The following ANXA10 variants were observed in gnomAD, a reference collection of about 807,000 sequenced individuals.
ANXA10 encodes the protein annexin A10.
Under a neutral mutation model 53.5 loss-of-function variants are expected in ANXA10, and 49 were observed. The observed-to-expected ratio is 0.92, with a 90% CI of 0.73 to 1.16. The LOEUF (loss-of-function observed/expected upper bound fraction) is 1.16, where lower values mean the gene tolerates loss of function less well. Ranked by LOEUF, ANXA10 falls within the 50% of genes most tolerant of loss-of-function variation. ANXA10 has a pLI of 0.00. For synonymous variants in ANXA10, 131 were observed against 128.9 expected (o/e 1.02, Z -0.11); for missense variants, 393 against 394.4 (o/e 1.00, Z 0.03).
intron 3 of ANXA10, among the ~76,000 whole-genome samples, chr4:168,156,171 T>TATTA (rs1553957740): frequency 3.2e-5 from 1 of 31,238 alleles, no homozygotes; most frequent in Non-Finnish European, 5.1e-5. Flanking sequence ...ATTATATATA[T>TATTA]TATATTATAT....
intron 1 of ANXA10, among the ~76,000 whole-genome samples, chr4:168,116,001 A>G (rs1422347737): frequency 1.3e-5 from 2 of 152,158 alleles, no homozygotes; most frequent in Non-Finnish European, 2.9e-5. Context: ...CATTACGTCT[A>G]AGGCACTGCC....
At chr4:168,170,999 G>T (rs866725588) in intron 6 of ANXA10, among the ~76,000 whole-genome samples, 12 of 152,114 alleles carry the variant, frequency 7.9e-5, no homozygotes, top group Middle Eastern at 3.4e-3. Context: ...ATTTTCTATT[G>T]GCTTCTCACT....
intron 1 of ANXA10, among the ~76,000 whole-genome samples, chr4:168,111,051 G>A (rs1290625284): frequency 6.6e-6 from 1 of 152,168 alleles, no homozygotes; most frequent in Non-Finnish European, 1.5e-5. Flanking sequence ...TGAAATAGAT[G>A]ACTGTGCTTT....
At chr4:168,166,841 G>A (rs1462880524) in intron 6 of ANXA10, among the ~76,000 whole-genome samples, 1 of 152,066 alleles carries the variant, frequency 6.6e-6, no homozygotes, top group African/African-American at 2.4e-5. Flanking sequence ...AGATTTCAAT[G>A]CCTTTTAAAA....
At chr4:168,145,590 C>T (rs542388672) in intron 3 of ANXA10, among the ~76,000 whole-genome samples, 1 of 152,312 alleles carries the variant, frequency 6.6e-6, no homozygotes, top group African/African-American at 2.4e-5. Context: ...GTTTTGCTAA[C>T]ACCCTACCCA....
At chr4:168,104,133 T>A (rs1166812362) in intron 1 of ANXA10, among the ~76,000 whole-genome samples, 2 of 151,976 alleles carry the variant, frequency 1.3e-5, no homozygotes, top group African/African-American at 4.8e-5. Flanking sequence ...CAAGTGTTTT[T>A]TCTGCATCAT....
chr4:168,140,468 A>G (rs2149472264), intron 3 of ANXA10, among the ~76,000 whole-genome samples: 1 of 152,306 alleles, frequency 6.6e-6, no homozygotes, highest in East Asian at 1.9e-4. Context: ...AAGACCAGTG[A>G]TATCTTCTTT....
intron 3 of ANXA10, among the ~76,000 whole-genome samples, chr4:168,154,022 G>T (rs768613668): frequency 2.7e-4 from 40 of 150,480 alleles, no homozygotes; most frequent in Non-Finnish European, 5.0e-4. Flanking sequence ...GCGCGCGCGC[G>T]TGCCTCTGAG....
In ANXA10 at chr4:168,162,526, A is replaced by G. The variant is rs1020056764; in HGVS notation, c.196-2A>G. On this transcript the variant is annotated splice_acceptor_variant, in intron 3 of 11. Transcript: ENST00000359299. LOFTEE classifies it high-confidence loss of function. ...TAAATATATGTACTTTTTCCTCCACAGGACCTGATTGGGGATATGAGGGAG... is the reference window on the plus strand; with the variant it reads ...TAAATATATGTACTTTTTCCTCCACGGGACCTGATTGGGGATATGAGGGAG... The G allele has an allele frequency of 3.1e-6, 5 of 1,611,358 alleles. No individual in the cohort carries two copies. In the African/African-American group the frequency reaches 6.7e-5, roughly 22 times the overall value.
chr4:168,148,947 A>C (rs1450850906), intron 3 of ANXA10, among the ~76,000 whole-genome samples: 1 of 152,082 alleles, frequency 6.6e-6, no homozygotes, highest in Admixed American at 6.6e-5. Context: ...CATCTTTGCA[A>C]ATATAACTTC....
chr4:168,118,107 T>G (rs1019969959), intron 1 of ANXA10, among the ~76,000 whole-genome samples: 35 of 151,902 alleles, frequency 2.3e-4, no homozygotes, highest in African/African-American at 8.0e-4. Context: ...TTTTTTTTCC[T>G]CATCAATTTA....
intron 1 of ANXA10, among the ~76,000 whole-genome samples, chr4:168,126,478 C>T (rs927841513): frequency 6.6e-6 from 1 of 152,108 alleles, no homozygotes; most frequent in Non-Finnish European, 1.5e-5. Context: ...TACTTAGTAA[C>T]CTTGTGGCTA....
intron 3 of ANXA10, among the ~76,000 whole-genome samples, chr4:168,159,005 A>G (rs975815218): frequency 6.6e-6 from 1 of 152,106 alleles, no homozygotes; most frequent in Non-Finnish European, 1.5e-5. Flanking sequence ...AGCTTCTTGA[A>G]GCCTCATGAG....
At chr4:168,171,884 T>G (rs992586110) in intron 6 of ANXA10, among the ~76,000 whole-genome samples, 7 of 152,176 alleles carry the variant, frequency 4.6e-5, no homozygotes, top group African/African-American at 1.7e-4. Context: ...AGAGAAAGAA[T>G]GGAAACTACC....
chr4:168,180,701 ATTAC>A (rs1732223656), intron 9 of ANXA10, among the ~76,000 whole-genome samples: 1 of 152,230 alleles, frequency 6.6e-6, no homozygotes, highest in South Asian at 2.1e-4. Context: ...ATCTAAAATA[ATTAC>A]TTAAACTACC....
intron 3 of ANXA10, among the ~76,000 whole-genome samples, chr4:168,139,840 C>G (rs1731298983): frequency 1.3e-5 from 2 of 152,124 alleles, no homozygotes; most frequent in African/African-American, 4.8e-5. Flanking sequence ...TTCAGTGTCC[C>G]CAAATGAAAA....
intron 4 of ANXA10, 142 bp from the exon 5 acceptor site, chr4:168,164,056 T>C: frequency 1.7e-6 from 1 of 597,394 alleles, no homozygotes; most frequent in Non-Finnish European, 3.0e-6. Context: ...ACTAAGATTG[T>C]GCCTGCCTTC....
intron 1 of ANXA10, among the ~76,000 whole-genome samples, chr4:168,093,017 C>A (rs1337843425): frequency 1.3e-5 from 2 of 151,902 alleles, no homozygotes; most frequent in African/African-American, 4.8e-5. Flanking sequence ...TTTGAGCATA[C>A]CTAAGAATCC....
intron 2 of ANXA10, among the ~76,000 whole-genome samples, chr4:168,132,956 G>C (rs1047716896): frequency 6.6e-6 from 1 of 151,960 alleles, no homozygotes; most frequent in Non-Finnish European, 1.5e-5. Flanking sequence ...CAGATATTTC[G>C]TGGTCATTTG....
Sources: gnomAD v4.1 joint callset for allele counts (sites outside exome capture counted in the v4.1 genomes callset) on GRCh38, gnomAD v4.1.1 for gene constraint, MANE v1.5 for transcripts, NCBI Gene and HGNC (gene_info 2026-07-23, HGNC 2026-07-21) for gene names.